The following PRKN variants were observed in gnomAD, a reference collection of about 807,000 sequenced individuals.
PRKN encodes the protein E3 ubiquitin-protein ligase parkin.
PRKN carries 56 observed loss-of-function variants against 59.5 expected under a neutral mutation model. The observed-to-expected ratio is 0.94, with a 90% CI of 0.76 to 1.18. PRKN has a LOEUF of 1.18. Among genes scored for constraint, PRKN ranks in the 50% most tolerant of loss-of-function variants. The probability of loss-of-function intolerance (pLI) is 0.00; values close to 1 mark genes in which losing one functional copy is unlikely to be tolerated. For synonymous variants in PRKN, 250 were observed against 222.1 expected (o/e 1.13, Z -1.12); for missense variants, 657 against 596.4 (o/e 1.10, Z -1.06).
At chr6:161,934,833 T>G (rs529066141) in intron 6 of PRKN, among the ~76,000 whole-genome samples, 1 of 152,218 alleles carries the variant, frequency 6.6e-6, no homozygotes, top group East Asian at 1.9e-4. Flanking sequence ...AACCCCAAAT[T>G]TAGATAAAAA....
chr6:162,488,472 A>G (rs1169113016), intron 1 of PRKN, among the ~76,000 whole-genome samples: 2 of 152,174 alleles, frequency 1.3e-5, no homozygotes, highest in Non-Finnish European at 2.9e-5. Context: ...CTGCAGCGCC[A>G]TACCTCATGA....
chr6:162,019,313 T>G (rs896885123), intron 5 of PRKN, among the ~76,000 whole-genome samples: 4 of 152,096 alleles, frequency 2.6e-5, no homozygotes, highest in African/African-American at 9.7e-5. Flanking sequence ...GTGCTATAGC[T>G]GTTAGAGTGT....
rs572788752 is a variant in PRKN, at chr6:162,171,581, A to G, written c.534+29550T>C. Among the ~76,000 whole-genome samples, 11 of 152,160 alleles carry G rather than the reference A, an allele frequency of 7.2e-5. 1 individual carries two copies. Among genetic ancestry groups the G allele is most frequent in the South Asian group, 2.1e-4 (1 of 4,820 alleles). On this transcript the variant is annotated intron_variant, in intron 4 of 11. Coordinates refer to ENST00000366898, the MANE Select transcript of PRKN (RefSeq NM_004562.3). Reference sequence around the variant, plus strand: ...ATGCTGAGAAAGGTCTGTGGTGTTCAGTAAAAAATCAGGGTCTTTTAGTTT... The same window carrying G: ...ATGCTGAGAAAGGTCTGTGGTGTTCGGTAAAAAATCAGGGTCTTTTAGTTT...
chr6:162,689,540 T>C (rs1021122773), intron 1 of PRKN, among the ~76,000 whole-genome samples: 3 of 152,260 alleles, frequency 2.0e-5, no homozygotes, highest in African/African-American at 7.2e-5. Context: ...GTTGTCTTTA[T>C]TGAATTAGTT....
At chr6:161,856,163 C>T (rs1273605491) in intron 6 of PRKN, among the ~76,000 whole-genome samples, 1 of 152,104 alleles carries the variant, frequency 6.6e-6, no homozygotes, top group African/African-American at 2.4e-5. Flanking sequence ...AGTTCAAGAC[C>T]AGCCTGGTCA....
chr6:162,349,730 A>G (rs1208068986), intron 2 of PRKN, among the ~76,000 whole-genome samples: 2 of 152,218 alleles, frequency 1.3e-5, no homozygotes, highest in African/African-American at 4.8e-5. Flanking sequence ...TGGAGGACCT[A>G]CAGCTAACTT....
At chr6:162,417,372 G>A (rs371171694) in intron 2 of PRKN, among the ~76,000 whole-genome samples, 27 of 152,138 alleles carry the variant, frequency 1.8e-4, no homozygotes, top group African/African-American at 5.8e-4. Context: ...CCCGGCAGCC[G>A]GGCATCCCCT....
At position 161,460,030 on chromosome 6, in the gene PRKN, C is replaced by T. The variant is rs897410460; in HGVS notation, c.1084-73153G>A. On this transcript the variant is annotated intron_variant, in intron 9 of 11. Coordinates refer to ENST00000366898, the MANE Select transcript of PRKN (RefSeq NM_004562.3). The surrounding 1 kb of genome is among the most constrained non-coding windows in gnomAD (Gnocchi z 5.0). ...TCCATCCATCAGTCCATCCATCCAT[C>T]CATTCATCCAACCATTCAACTTTTA... 5.3e-5 allele frequency among the ~76,000 whole-genome samples: 8 copies of T among 152,212 alleles called. No homozygotes were observed. The highest frequency in any genetic ancestry group is 7.3e-5 in the Non-Finnish European group (5 of 68,046).
chr6:162,138,060 G>A (rs947235273), intron 4 of PRKN, among the ~76,000 whole-genome samples: 5 of 152,048 alleles, frequency 3.3e-5, no homozygotes, highest in African/African-American at 9.7e-5. Flanking sequence ...ACCACAAATC[G>A]AAGTTTAGGG....
rs1321396338 is a variant in PRKN, at chr6:161,369,631, C to G, written c.1168-9426G>C. Among the ~76,000 whole-genome samples, 1 of 152,080 alleles carries G rather than the reference C, an allele frequency of 6.6e-6. No individual in the cohort carries two copies. The highest frequency in any genetic ancestry group is 1.5e-5 in the Non-Finnish European group (1 of 68,016). On this transcript the variant is annotated intron_variant, in intron 10 of 11. Transcript: ENST00000366898. The surrounding 1 kb of genome is among the most constrained non-coding windows in gnomAD (Gnocchi z 5.8). ...ATTCTGTGCCTGTCTACTGCTCACC[C>G]GTGGCAGGAGGAATTGCATGCATGC...
chr6:161,836,396 A>T (rs570090949), intron 6 of PRKN, among the ~76,000 whole-genome samples: 54 of 152,260 alleles, frequency 3.5e-4, no homozygotes, highest in African/African-American at 1.3e-3. Context: ...GCCGTACATG[A>T]TTCAGTTAAA....
intron 3 of PRKN, among the ~76,000 whole-genome samples, chr6:162,210,112 T>TAAAATAAAAC (rs1785142767): frequency 6.6e-6 from 1 of 150,892 alleles, no homozygotes; most frequent in African/African-American, 2.4e-5. Flanking sequence ...TAATAAAAAA[T>TAAAATAAAAC]AAAATAAAAT....
At chr6:161,997,613 A>G (rs1781894863) in intron 5 of PRKN, among the ~76,000 whole-genome samples, 1 of 152,110 alleles carries the variant, frequency 6.6e-6, no homozygotes, top group Non-Finnish European at 1.5e-5. Flanking sequence ...CAATCTGTCT[A>G]CTCAGAACAT....
chr6:162,602,129 G>A (rs9458616), intron 1 of PRKN, among the ~76,000 whole-genome samples: 1 of 151,968 alleles, frequency 6.6e-6, no homozygotes, highest in Non-Finnish European at 1.5e-5. Flanking sequence ...CCCAGGGAGC[G>A]TGCAGGAGAG....
At chr6:162,021,814 A>C (rs953760026) in intron 5 of PRKN, among the ~76,000 whole-genome samples, 4 of 152,112 alleles carry the variant, frequency 2.6e-5, no homozygotes, top group Non-Finnish European at 5.9e-5. Flanking sequence ...CATAGTGCCC[A>C]ATAGGTAGTT....
chr6:161,800,217 G>A (rs1213451120), intron 6 of PRKN, among the ~76,000 whole-genome samples: 1 of 152,154 alleles, frequency 6.6e-6, no homozygotes, highest in Non-Finnish European at 1.5e-5. Flanking sequence ...CGTGGATCAA[G>A]CAGTGGAGAG....
chr6:162,307,725 C>T (rs1012550864), intron 2 of PRKN, among the ~76,000 whole-genome samples: 5 of 152,158 alleles, frequency 3.3e-5, no homozygotes, highest in African/African-American at 1.2e-4. Flanking sequence ...CTGGAAGGCA[C>T]TGCAAACATT....
rs1334999417 is a variant in PRKN, at chr6:161,576,756, T to C, written c.872-7340A>G. Among the ~76,000 whole-genome samples, 1 of 152,212 alleles carries C rather than the reference T, an allele frequency of 6.6e-6. No individual in the cohort carries two copies. Among genetic ancestry groups the C allele is most frequent in the Non-Finnish European group, 1.5e-5 (1 of 68,022 alleles). On this transcript the variant is annotated intron_variant, in intron 7 of 11. Transcript: ENST00000366898. This position sits in a 1 kb window ranked among gnomAD's most constrained non-coding sequence, Gnocchi z 4.6. ...CAACAGTATAAAGGGCAGGGTTGGC[T>C]AACGTAAAAGTAAGTGTTCATTTCT...
chr6:161,776,273 A>C (rs1789920663), intron 7 of PRKN, among the ~76,000 whole-genome samples: 1 of 152,224 alleles, frequency 6.6e-6, no homozygotes, highest in African/African-American at 2.4e-5. Context: ...ATCATTTCAA[A>C]ACAATTCCGA....
Sources: allele counts gnomAD v4.1 joint callset (sites outside exome capture counted in the v4.1 genomes callset), GRCh38; gene constraint gnomAD v4.1.1; non-coding constraint Gnocchi (gnomAD v3.1); transcripts MANE v1.5; gene names NCBI Gene and HGNC (gene_info 2026-07-23, HGNC 2026-07-21).